PISD: variants seen among roughly 807,000 people sequenced by gnomAD.
PISD encodes phosphatidylserine decarboxylase proenzyme, mitochondrial.
PISD carries 31 observed loss-of-function variants against 43.5 expected under a neutral mutation model. That is an observed-to-expected ratio of 0.71 (90% CI 0.54 to 0.96). PISD has a LOEUF of 0.96. PISD is among the 40% of genes least tolerant of loss of function. PISD has a pLI of 0.00. For missense variants in PISD, 523 were observed against 548.4 expected, an observed-to-expected ratio of 0.95 and a Z score of 0.46; for synonymous variants, 259 against 228.7, an observed-to-expected ratio of 1.13 and a Z score of -1.20.
At position 31,618,734 on chromosome 22, in the gene PISD, T is replaced by C. The variant is rs754073862; in HGVS notation, c.*878A>G. On this transcript the variant is annotated 3_prime_UTR_variant, in exon 8 of 8. Transcript: ENST00000439502. ...AAACTGGGACAGGTTTTCCAGGCAC[T>C]GACCAACTATCCACCAAGGGTCCTC... The C allele has an allele frequency of 2.0e-5, 5 of 251,978 alleles. No homozygotes were observed. The highest frequency in any genetic ancestry group is 3.8e-5 in the Non-Finnish European group (5 of 132,672). 15.6% of individuals were successfully genotyped at this position (251,978 alleles called of 1,614,324 possible).
intron 3 of PISD, among the ~76,000 whole-genome samples, chr22:31,637,067 C>T (rs1234881949): frequency 2.0e-5 from 3 of 148,032 alleles, no homozygotes; most frequent in Admixed American, 6.8e-5. Flanking sequence ...GCAGCTATAT[C>T]ACTTGAGCCC....
At chr22:31,638,704 C>A in intron 3 of PISD, 1 of 808,406 alleles carries the variant, frequency 1.2e-6, no homozygotes, top group Non-Finnish European at 1.5e-6. Context: ...CCAGGCTGCT[C>A]TCAAACTCCT....
chr22:31,662,283 G>T, upstream of PISD: 2 of 1,443,986 alleles, frequency 1.4e-6, no homozygotes, highest in South Asian at 1.1e-5. Context: ...CGAGTCTCGA[G>T]TTCAGTGGGC....
At chr22:31,625,991 A>C in intron 3 of PISD, 2 of 1,459,586 alleles carry the variant, frequency 1.4e-6, no homozygotes, top group South Asian at 2.8e-5. Flanking sequence ...TCGGTGGCTC[A>C]CAGGGTGCAG....
At chr22:31,637,472 C>G (rs978624354) in intron 3 of PISD, among the ~76,000 whole-genome samples, 3 of 152,056 alleles carry the variant, frequency 2.0e-5, no homozygotes, top group African/African-American at 7.2e-5. Flanking sequence ...TCATCTAACC[C>G]TGGTCTCACG....
chr22:31,619,736 TCGCCCTTACGCATGGGGA>T lies in PISD; in HGVS notation c.1088_1105del (p.Val363_Gly368del). ...GCCCAGGTTGAACTCGCCCAGGTGC[TCGCCCTTACGCATGGGGA>T]CGCCCTCTCTATTGGTGTGCGTCAC... On this transcript the variant is annotated inframe_deletion, in exon 8 of 8. Transcript: ENST00000439502. 6.2e-7 allele frequency: 1 copy of T among 1,614,164 alleles called. No homozygotes were observed. Among genetic ancestry groups the T allele is most frequent in the Non-Finnish European group, 8.5e-7 (1 of 1,179,984 alleles).
chr22:31,650,781 ATAACC>A lies in PISD; in HGVS notation c.66-8_66-4del. The A allele has an allele frequency of 1.3e-6, 2 of 1,533,830 alleles. No individual in the cohort carries two copies. Among genetic ancestry groups the A allele is most frequent in the Non-Finnish European group, 1.8e-6 (2 of 1,135,358 alleles). ...CAGTGATCTCACAGGGATGGAGGCT[ATAACC>A]AAGCAAAAATGAACCATTAAATATT... On this transcript the variant is annotated splice_region_variant and splice_polypyrimidine_tract_variant and intron_variant, in intron 1 of 7. Transcript: ENST00000439502.
chr22:31,625,799 T>A (rs1483437349), intron 3 of PISD: 2 of 1,600,430 alleles, frequency 1.2e-6, no homozygotes, highest in Non-Finnish European at 8.5e-7. Flanking sequence ...TTGCCGCGCC[T>A]CTGACTGACA....
At chr22:31,638,755 G>GAA in intron 3 of PISD, 2 of 245,688 alleles carry the variant, frequency 8.1e-6, no homozygotes, top group Non-Finnish European at 1.3e-5. Context: ...TCAGGCAGCT[G>GAA]GGACCAGAGG....
chr22:31,625,615 C>A, intron 3 of PISD: 4 of 981,186 alleles, frequency 4.1e-6, no homozygotes, highest in Non-Finnish European at 4.5e-6. Flanking sequence ...GTGCTCAGGC[C>A]CCCCAGGCCA....
intron 3 of PISD, chr22:31,629,133 C>T (rs985755762): frequency 7.1e-6 from 7 of 985,170 alleles, no homozygotes; most frequent in Non-Finnish European, 7.2e-6. Flanking sequence ...AACACCTGCC[C>T]CCCCAGTGGA....
chr22:31,625,826 A>T, intron 3 of PISD: 2 of 1,597,466 alleles, frequency 1.3e-6, no homozygotes, highest in Non-Finnish European at 1.7e-6. Context: ...GGGCCGGCGC[A>T]GGGAGGGCGG....
chr22:31,628,261 C>G, intron 3 of PISD: 1 of 878,206 alleles, frequency 1.1e-6, no homozygotes, highest in Non-Finnish European at 1.4e-6. Context: ...TCTTGCTTCC[C>G]AAGGCCAAGC....
chr22:31,652,513 A>T (rs1217094604), intron 1 of PISD, among the ~76,000 whole-genome samples: 2 of 151,776 alleles, frequency 1.3e-5, no homozygotes, highest in Admixed American at 6.6e-5. Context: ...TCCTTGCCTT[A>T]CAAACACCTG....
rs376079069 is a variant in PISD, at chr22:31,641,625, G to A, written c.321+6476C>T. 1.3e-3 allele frequency among the ~76,000 whole-genome samples: 191 copies of A among 146,830 alleles called. 1 individual carries two copies. The highest frequency in any genetic ancestry group is 4.8e-3 in the African/African-American group (175 of 36,524). ...AGGTCAAGAGTTCAAGAACAGCCTGGCCAACAATGGTGAAACCCGATCTCT... is the reference window on the plus strand; with the variant it reads ...AGGTCAAGAGTTCAAGAACAGCCTGACCAACAATGGTGAAACCCGATCTCT... On this transcript the variant is annotated intron_variant, in intron 3 of 7. Coordinates refer to ENST00000439502, the MANE Select transcript of PISD (RefSeq NM_001326411.2).
intron 1 of PISD, among the ~76,000 whole-genome samples, chr22:31,658,225 G>A (rs376021939): frequency 1.3e-5 from 2 of 152,260 alleles, no homozygotes; most frequent in East Asian, 3.9e-4. Flanking sequence ...CATCCTTCAA[G>A]TAGGCAATTA....
intron 3 of PISD, chr22:31,628,252 C>T: frequency 1.1e-6 from 1 of 944,424 alleles, no homozygotes; most frequent in Non-Finnish European, 1.3e-6. Flanking sequence ...TTGCTGCCTT[C>T]TTGCTTCCCA....
intron 3 of PISD, among the ~76,000 whole-genome samples, chr22:31,645,404 T>C (rs1315149986): frequency 1.3e-5 from 2 of 151,722 alleles, no homozygotes; most frequent in African/African-American, 4.8e-5. Flanking sequence ...AGGCCCTGCC[T>C]CAAATAAATA....
chr22:31,624,063 G>A (rs1025135727), intron 3 of PISD, among the ~76,000 whole-genome samples: 2 of 152,236 alleles, frequency 1.3e-5, no homozygotes, highest in South Asian at 4.1e-4. Flanking sequence ...TCTGGCTAGC[G>A]GACTCATTTC....
Sources: allele counts gnomAD v4.1 joint callset (sites outside exome capture counted in the v4.1 genomes callset), GRCh38; gene constraint gnomAD v4.1.1; transcripts MANE v1.5; gene names NCBI Gene and HGNC (gene_info 2026-07-23, HGNC 2026-07-21).